Variants in TC2N observed in about 807,000 individuals in gnomAD.
The protein encoded by TC2N is tandem C2 domains, nuclear, also known as tandem C2 domains nuclear protein.
Under a neutral mutation model 61.9 loss-of-function variants are expected in TC2N, and 51 were observed. The observed-to-expected ratio is 0.82, with a 90% CI of 0.66 to 1.04. The LOEUF (loss-of-function observed/expected upper bound fraction) is 1.04, where lower values mean the gene tolerates loss of function less well. Among genes scored for constraint, TC2N ranks in the 50% least tolerant of loss-of-function variants. The probability of loss-of-function intolerance (pLI) is 0.00; values close to 1 mark genes in which losing one functional copy is unlikely to be tolerated. For synonymous variants in TC2N, 204 were observed against 192.6 expected, an observed-to-expected ratio of 1.06 and a Z score of -0.49; for missense variants, 556 against 566.7, an observed-to-expected ratio of 0.98 and a Z score of 0.19.
intron 8 of TC2N, among the ~76,000 whole-genome samples, chr14:91,797,044 A>T (rs1356348895): frequency 6.6e-6 from 1 of 152,104 alleles, no homozygotes; most frequent in Non-Finnish European, 1.5e-5. Context: ...AAGTATAAAT[A>T]TTTTAAGGTT....
intron 1 of TC2N, among the ~76,000 whole-genome samples, chr14:91,834,104 A>G (rs1298472474): frequency 6.6e-6 from 1 of 152,208 alleles, no homozygotes; most frequent in Non-Finnish European, 1.5e-5. Context: ...TTTTAGAAGA[A>G]CCATTGGGAC....
In TC2N at chr14:91,800,335, A is replaced by C. The variant is rs1886164147; in HGVS notation, c.507T>G (p.Pro169=). 1 of 1,605,274 alleles carries C rather than the reference A, an allele frequency of 6.2e-7. No individual in the cohort carries two copies. ...DLRTNKLPGS[P]GLSKSMFDLT... is the part of the protein sequence containing the mutation. ...GATCAAACATAGATTTGCTTAGCCC[A>C]GGGGAACCGGGAAGTTTGTTCGTCC... Residue 169 remains proline (P), a synonymous_variant, in exon 5 of 12, where the codon CCT becomes CCG. Coordinates refer to ENST00000435962, the MANE Select transcript of TC2N (RefSeq NM_001128596.3).
At chr14:91,798,500 C>T (rs1466423435) in intron 6 of TC2N, 101 bp from the exon 7 acceptor site, 7 of 681,766 alleles carry the variant, frequency 1.0e-5, no homozygotes, top group East Asian at 2.9e-5. Context: ...TTTTAAAATG[C>T]TACAATTATT....
In TC2N at chr14:91,852,516, T is replaced by C. The variant is rs145160149; in HGVS notation, c.-57+14746A>G. ...ATCACATTTCCTAAAGCAAAGATTG[T>C]TGTGAAAGAATAGAGTATCAAGAAT... On this transcript the variant is annotated intron_variant, in intron 1 of 11. Transcript: ENST00000435962. Among the ~76,000 whole-genome samples the C allele has an allele frequency of 2.3e-4, 35 of 152,306 alleles. 1 individual carries two copies. Among genetic ancestry groups the C allele is most frequent in the African/African-American group, 7.2e-4 (30 of 41,574 alleles).
chr14:91,867,329 C>T lies in TC2N; in HGVS notation c.-124G>A, dbSNP rs1250864237. 1 of 152,300 alleles carries T rather than the reference C, an allele frequency of 6.6e-6. No individual in the cohort carries two copies. The highest frequency in any genetic ancestry group is 2.4e-5 in the African/African-American group (1 of 41,438). 9.4% of individuals were successfully genotyped at this position (152,300 alleles called of 1,614,324 possible). The stretch of plus-strand genomic sequence containing the variant: ...TCGGTGCAAAGCTCACGTAAACCTT[C>T]AGCATTTCTGATTCCATCCTTCTTC... On this transcript the variant is annotated 5_prime_UTR_variant, in exon 1 of 12. Coordinates refer to ENST00000435962, the MANE Select transcript of TC2N (RefSeq NM_001128596.3).
chr14:91,845,427 G>T (rs977550047), intron 1 of TC2N, among the ~76,000 whole-genome samples: 5 of 152,102 alleles, frequency 3.3e-5, no homozygotes, highest in African/African-American at 1.2e-4. Context: ...TAAAGCTCAA[G>T]CTCCTTTTGT....
rs1172459669 is a variant in TC2N, at chr14:91,787,081, C to T, written c.1162+432G>A. On this transcript the variant is annotated intron_variant, in intron 10 of 11. Transcript: ENST00000435962. The stretch of plus-strand genomic sequence containing the variant: ...CTAGACAACCAAAGTATCACAACTC[C>T]TGGTTGTAGACAAAACACAGGGAGA... Among the ~76,000 whole-genome samples the T allele has an allele frequency of 5.9e-5, 9 of 152,134 alleles. No individual in the cohort carries two copies. In the East Asian group the frequency reaches 1.7e-3, roughly 29 times the overall value.
At chr14:91,846,069 G>C (rs542980911) in intron 1 of TC2N, among the ~76,000 whole-genome samples, 3 of 152,302 alleles carry the variant, frequency 2.0e-5, no homozygotes, top group Non-Finnish European at 4.4e-5. Context: ...AGGGTCAAGG[G>C]ATCTGCTGCT....
chr14:91,803,340 A>C (rs2139847798), intron 3 of TC2N, among the ~76,000 whole-genome samples: 1 of 151,932 alleles, frequency 6.6e-6, no homozygotes, highest in South Asian at 2.1e-4. Flanking sequence ...AGCATTTCTT[A>C]AATGGAACAT....
rs1434784889 is a variant in TC2N at position 91,783,162 on chromosome 14, T to G, written c.1411A>C (p.Lys471Gln). The G allele has an allele frequency of 3.1e-6, 5 of 1,612,176 alleles. No homozygotes were observed. In the South Asian group the frequency reaches 5.5e-5, roughly 18 times the overall value. Reference protein sequence around the residue: ...SNNIEAVNQWKETVINPEKVV... With the variant: ...SNNIEAVNQWQETVINPEKVV... ...TTTTCTGGATTTATTACTGTCTCTTTCCACTGGTTCACTGCTTCAATGTTA... is the reference window on the plus strand; with the variant it reads ...TTTTCTGGATTTATTACTGTCTCTTGCCACTGGTTCACTGCTTCAATGTTA... Residue 471 changes from lysine to glutamine, a missense_variant, in exon 12 of 12, where the codon AAA (lysine) becomes CAA (glutamine). Transcript: ENST00000435962.
intron 10 of TC2N, among the ~76,000 whole-genome samples, chr14:91,785,930 A>C (rs1885343564): frequency 1.3e-5 from 2 of 152,140 alleles, no homozygotes; most frequent in African/African-American, 4.8e-5. Flanking sequence ...TCAACTGGTA[A>C]AAGACGGGAA....
intron 1 of TC2N, among the ~76,000 whole-genome samples, chr14:91,822,714 C>CTTT (rs35093902): frequency 6.4e-5 from 8 of 125,426 alleles, no homozygotes; most frequent in African/African-American, 9.0e-5. Context: ...TACTCATTAT[C>CTTT]TTTTTTTTTT....
In TC2N at chr14:91,792,554, A is replaced by G; in HGVS notation, c.860T>C (p.Ile287Thr). Residue 287 changes from isoleucine (I) to threonine (T), a missense_variant, in exon 9 of 12, where the codon ATT becomes ACT. Coordinates refer to ENST00000435962, the MANE Select transcript of TC2N (RefSeq NM_001128596.3). ...KSSAKEGSNAIEFMETFVFAI... is the reference protein window; with the variant it reads ...KSSAKEGSNATEFMETFVFAI... ...AAATACAAACGTTTCCATAAATTCA[A>G]TAGCCTTAAAAAAAAAACAAGAAAA... 1 of 1,493,570 alleles carries G rather than the reference A, an allele frequency of 6.7e-7. No homozygotes were observed. The highest frequency in any genetic ancestry group is 9.1e-7 in the Non-Finnish European group (1 of 1,101,872). The allele number at this position is 1,493,570 out of a possible 1,614,324, so 92.5% of individuals were successfully genotyped here.
intron 10 of TC2N, among the ~76,000 whole-genome samples, chr14:91,786,300 C>T (rs117907154): frequency 0.016 from 2,488 of 152,200 alleles, 30 homozygotes; most frequent in Non-Finnish European, 0.025. Context: ...TTTTAGGATT[C>T]TCCATCTATC....
chr14:91,794,372 A>G (rs1156840695), intron 8 of TC2N, among the ~76,000 whole-genome samples: 1 of 152,236 alleles, frequency 6.6e-6, no homozygotes, highest in African/African-American at 2.4e-5. Context: ...CTGTTGGAAG[A>G]AGATGCCATG....
intron 3 of TC2N, among the ~76,000 whole-genome samples, chr14:91,809,006 T>C (rs1477323096): frequency 1.3e-5 from 2 of 152,156 alleles, no homozygotes; most frequent in African/African-American, 4.8e-5. Context: ...ATCAATTGAT[T>C]GGGTATTCTG....
intron 1 of TC2N, among the ~76,000 whole-genome samples, chr14:91,864,506 C>G (rs1280170233): frequency 6.6e-6 from 1 of 152,072 alleles, no homozygotes; most frequent in Non-Finnish European, 1.5e-5. Context: ...AAGCACCTAC[C>G]CTATTTTAAA....
chr14:91,829,043 T>C (rs1887627587), intron 1 of TC2N, among the ~76,000 whole-genome samples: 2 of 149,824 alleles, frequency 1.3e-5, no homozygotes, highest in Admixed American at 6.6e-5. Context: ...GCATAACCAC[T>C]GTTCTTTTAA....
At position 91,802,408 on chromosome 14, in the gene TC2N, T is replaced by TA; in HGVS notation, c.314_315insT (p.Ser106IlefsTer18). On this transcript the variant is annotated frameshift_variant, in exon 4 of 12. Transcript: ENST00000435962. LOFTEE classifies it high-confidence loss of function. ...GTTCTACCTTTCGATCTCCAAAAGATGCTCTGGCAGATCCTGAAAGCAAAT... is the reference window on the plus strand; with the variant it reads ...GTTCTACCTTTCGATCTCCAAAAGATAGCTCTGGCAGATCCTGAAAGCAAAT... 1 of 1,610,690 alleles carries TA rather than the reference T, an allele frequency of 6.2e-7. No individual in the cohort carries two copies. Among genetic ancestry groups the TA allele is most frequent in the Non-Finnish European group, 8.5e-7 (1 of 1,178,856 alleles).
Sources: allele counts gnomAD v4.1 joint callset (sites outside exome capture counted in the v4.1 genomes callset), GRCh38; gene constraint gnomAD v4.1.1; transcripts MANE v1.5; gene names NCBI Gene and HGNC (gene_info 2026-07-23, HGNC 2026-07-21).